PICALM: variants seen among roughly 807,000 people sequenced by gnomAD.
PICALM encodes the protein phosphatidylinositol binding clathrin assembly protein.
Under a neutral mutation model 80.5 loss-of-function variants are expected in PICALM, and 40 were observed. The observed-to-expected ratio is 0.50, with a 90% CI of 0.39 to 0.65. PICALM has a LOEUF of 0.65. Ranked by LOEUF, PICALM falls within the 30% of genes least tolerant of loss-of-function variation. The pLI is 0.00. For synonymous variants in PICALM, 288 were observed against 260.3 expected, an observed-to-expected ratio of 1.11 and a Z score of -1.02; for missense variants, 676 against 778.9, an observed-to-expected ratio of 0.87 and a Z score of 1.57.
intron 1 of PICALM, among the ~76,000 whole-genome samples, chr11:86,060,754 T>C (rs1315679357): frequency 7.1e-6 from 1 of 139,944 alleles, no homozygotes; most frequent in Non-Finnish European, 1.6e-5. Flanking sequence ...AAAAAATGAA[T>C]CAGGAGACAG....
intron 12 of PICALM, among the ~76,000 whole-genome samples, 186 bp from the exon 13 acceptor site, chr11:85,990,585 T>G (rs2094736708): frequency 6.6e-6 from 1 of 152,186 alleles, no homozygotes; most frequent in Non-Finnish European, 1.5e-5. Context: ...TTAATATATT[T>G]TTAAGTGAAT....
intron 1 of PICALM, among the ~76,000 whole-genome samples, chr11:86,038,023 G>C (rs1309569481): frequency 1.3e-5 from 2 of 152,162 alleles, no homozygotes; most frequent in African/African-American, 4.8e-5. Flanking sequence ...GGTGGTACAA[G>C]AATAAGAGTG....
intron 14 of PICALM, chr11:85,982,280 G>GA (rs1266480949): frequency 1.7e-4 from 46 of 268,574 alleles, no homozygotes; most frequent in East Asian, 2.7e-4. Flanking sequence ...TTATAAAAGA[G>GA]AAAAAAAACA....
chr11:86,003,611 C>CG (rs2095205219), intron 8 of PICALM, 160 bp from the exon 9 acceptor site: 5 of 411,694 alleles, frequency 1.2e-5, no homozygotes, highest in Non-Finnish European at 1.7e-5. Context: ...GACAATCTTA[C>CG]TTTTGTTATA....
intron 1 of PICALM, among the ~76,000 whole-genome samples, chr11:86,049,280 C>CA (rs1036623078): frequency 1.3e-5 from 2 of 151,414 alleles, no homozygotes; most frequent in Admixed American, 6.6e-5. Context: ...AAGACTGTCT[C>CA]AAAAAAACAA....
chr11:85,991,168 A>C (rs1257586399), intron 12 of PICALM, among the ~76,000 whole-genome samples: 2 of 152,208 alleles, frequency 1.3e-5, no homozygotes, highest in African/African-American at 2.4e-5. Flanking sequence ...TATCATTCTA[A>C]TGACTGAAAT....
intron 4 of PICALM, among the ~76,000 whole-genome samples, chr11:86,019,169 C>G (rs888244270): frequency 6.6e-6 from 1 of 152,142 alleles, no homozygotes; most frequent in African/African-American, 2.4e-5. Flanking sequence ...TTACTACTTA[C>G]AATGAGAGTC....
chr11:86,017,146 C>A lies in PICALM; in HGVS notation c.453-2183G>T, dbSNP rs1029839263. On this transcript the variant is annotated intron_variant, in intron 4 of 19. Coordinates refer to ENST00000393346, the MANE Select transcript of PICALM (RefSeq NM_007166.4). ...GCTGAGGTGGGAGAATCGCTTGAAT[C>A]TGGAAGGCGGAGGTTGCAGGGAGCA... Among the ~76,000 whole-genome samples the A allele has an allele frequency of 3.3e-5, 5 of 151,510 alleles. No homozygotes were observed. The South Asian group carries it at 8.3e-4, about 25-fold the overall frequency.
intron 17 of PICALM, 100 bp from the exon 18 acceptor site, chr11:85,976,782 AAGAC>A: frequency 1.4e-6 from 1 of 711,272 alleles, no homozygotes; most frequent in South Asian, 1.6e-5. Context: ...AAGAATTGCT[AAGAC>A]AGCTGTGAGT....
intron 11 of PICALM, among the ~76,000 whole-genome samples, chr11:85,998,842 T>C (rs569671125): frequency 1.3e-5 from 2 of 152,264 alleles, no homozygotes; most frequent in African/African-American, 2.4e-5. Context: ...CCAGGCTAGC[T>C]TGTACGGCTG....
intron 5 of PICALM, among the ~76,000 whole-genome samples, chr11:86,013,209 G>A (rs2136310204): frequency 6.6e-6 from 1 of 152,172 alleles, no homozygotes; most frequent in South Asian, 2.1e-4. Flanking sequence ...CAGCTACTCA[G>A]GAGGCTGAGG....
intron 11 of PICALM, among the ~76,000 whole-genome samples, chr11:85,998,814 C>G (rs914501841): frequency 3.9e-5 from 6 of 152,054 alleles, no homozygotes; most frequent in African/African-American, 1.4e-4. Flanking sequence ...AACAGACAAA[C>G]AGACCAAGAG....
At chr11:85,962,549 A>G (rs1254036366) in intron 19 of PICALM, among the ~76,000 whole-genome samples, 2 of 152,226 alleles carry the variant, frequency 1.3e-5, no homozygotes, top group Non-Finnish European at 2.9e-5. Context: ...TCTATTTTCA[A>G]TATGTGAGCA....
At chr11:85,991,894 T>A (rs985331598) in intron 12 of PICALM, among the ~76,000 whole-genome samples, 8 of 152,216 alleles carry the variant, frequency 5.3e-5, no homozygotes. Flanking sequence ...TCTTGCTCTG[T>A]TGCCCAGGCA....
chr11:86,024,606 TCTCCC>T (rs1234832848), intron 3 of PICALM, among the ~76,000 whole-genome samples: 2 of 151,718 alleles, frequency 1.3e-5, no homozygotes, highest in Non-Finnish European at 2.9e-5. Flanking sequence ...CATAATTCCC[TCTCCC>T]CTCCTCTCTC....
At chr11:86,064,763 T>C (rs1238552239) in intron 1 of PICALM, among the ~76,000 whole-genome samples, 30 of 150,284 alleles carry the variant, frequency 2.0e-4, no homozygotes, top group Admixed American at 2.0e-3. Flanking sequence ...TAAAGAAAAT[T>C]AAGAATTCAT....
At chr11:86,028,021 T>G (rs1243902074) in intron 2 of PICALM, among the ~76,000 whole-genome samples, 2 of 152,236 alleles carry the variant, frequency 1.3e-5, no homozygotes, top group Non-Finnish European at 2.9e-5. Context: ...CATTCTAAAT[T>G]AATGTAAATA....
intron 19 of PICALM, among the ~76,000 whole-genome samples, chr11:85,961,117 T>C (rs1163304460): frequency 6.6e-6 from 1 of 152,070 alleles, no homozygotes; most frequent in Non-Finnish European, 1.5e-5. Context: ...AGGGAATACA[T>C]AATTGCATTT....
At position 85,978,137 on chromosome 11, in the gene PICALM, G is replaced by A. The variant is rs138593326; in HGVS notation, c.1780-1455C>T. The A allele has an allele frequency of 2.0e-4, 309 of 1,538,640 alleles. No individual in the cohort carries two copies. In the East Asian group the frequency reaches 4.1e-3, roughly 21 times the overall value. ...ACAATTACATAATGCAATAACACTG[G>A]ATTAGAACAAGTACTTACACAACAG... On this transcript the variant is annotated intron_variant, in intron 17 of 19. Coordinates refer to ENST00000393346, the MANE Select transcript of PICALM (RefSeq NM_007166.4).
Sources: gnomAD v4.1 joint callset for allele counts (sites outside exome capture counted in the v4.1 genomes callset) on GRCh38, gnomAD v4.1.1 for gene constraint, MANE v1.5 for transcripts, NCBI Gene and HGNC (gene_info 2026-07-23, HGNC 2026-07-21) for gene names.